KLF17: variants seen among roughly 807,000 people sequenced by gnomAD.
KLF17 encodes Krueppel-like factor 17.
KLF17 carries 31 observed loss-of-function variants against 34.2 expected under a neutral mutation model. That is an observed-to-expected ratio of 0.91 (90% CI 0.68 to 1.22). The LOEUF (loss-of-function observed/expected upper bound fraction) is 1.22, where lower values mean the gene tolerates loss of function less well. Ranked by LOEUF, KLF17 falls within the 50% of genes most tolerant of loss-of-function variation. The pLI, the probability that KLF17 is intolerant of heterozygous loss-of-function variation, is 0.00. For missense variants in KLF17, 478 were observed against 505.2 expected, an observed-to-expected ratio of 0.95 and a Z score of 0.52; for synonymous variants, 179 against 186.7, an observed-to-expected ratio of 0.96 and a Z score of 0.34.
At chr1:44,069,130 A>C in the KLF17 span, among the ~76,000 whole-genome samples, 1 of 152,170 alleles carries the variant, frequency 6.6e-6, no homozygotes, top group African/African-American at 2.4e-5. The surrounding 1 kb of genome is among the most constrained non-coding windows in gnomAD (Gnocchi z 4.7). Flanking sequence ...GAGACATTTC[A>C]GGACAGGGTC....
chr1:44,078,979 C>T, the KLF17 span, among the ~76,000 whole-genome samples: 1 of 152,154 alleles, frequency 6.6e-6, no homozygotes, highest in African/African-American at 2.4e-5. Context: ...GACACCGTGC[C>T]TGGCCCCTCC....
intron 1 of KLF17, among the ~76,000 whole-genome samples, chr1:44,119,191 A>G (rs2087917195): frequency 7.0e-6 from 1 of 143,374 alleles, no homozygotes; most frequent in African/African-American, 2.6e-5. Flanking sequence ...GGGGTTGCAA[A>G]GGGAGGGATG....
chr1:44,125,926 C>T (rs562954667), intron 1 of KLF17, among the ~76,000 whole-genome samples: 1 of 152,242 alleles, frequency 6.6e-6, no homozygotes, highest in South Asian at 2.1e-4. Flanking sequence ...ATAATGGCTG[C>T]CAACCTCTGT....
the KLF17 span, among the ~76,000 whole-genome samples, chr1:44,095,201 T>C: frequency 2.4e-5 from 3 of 126,772 alleles, no homozygotes; most frequent in Non-Finnish European, 3.3e-5. Context: ...ATGCCCGGCC[T>C]ATTTATATCT....
the KLF17 span, among the ~76,000 whole-genome samples, chr1:44,096,709 T>C: frequency 6.7e-6 from 1 of 149,626 alleles, no homozygotes; most frequent in Non-Finnish European, 1.5e-5. Context: ...CTACGGTTTT[T>C]AAAAAAAAAT....
In KLF17 at chr1:44,134,314, T is replaced by C. The variant is rs1026691215; in HGVS notation, c.*1077T>C. 1.3e-4 allele frequency: 20 copies of C among 152,228 alleles called. No homozygotes were observed. The highest frequency in any genetic ancestry group is 3.9e-4 in the African/African-American group (16 of 41,440). The allele number at this position is 152,228 out of a possible 1,614,324, so 9.4% of individuals were successfully genotyped here. ...TGGAGGCCGAGGCAGGCGGATCATT[T>C]GAGGTTAGAGATTCGAGACCAGCCG... On this transcript the variant is annotated 3_prime_UTR_variant, in exon 4 of 4. Coordinates refer to ENST00000372299, the MANE Select transcript of KLF17 (RefSeq NM_173484.4).
chr1:44,127,650 C>CTTTTCT (rs1263367313), intron 1 of KLF17, among the ~76,000 whole-genome samples: 1 of 54,784 alleles, frequency 1.8e-5, no homozygotes, highest in African/African-American at 7.9e-5. Context: ...TTCTTTCTTT[C>CTTTTCT]TTTCTTTCTT....
chr1:44,059,100 C>G, the KLF17 span, among the ~76,000 whole-genome samples: 1 of 152,102 alleles, frequency 6.6e-6, no homozygotes, highest in African/African-American at 2.4e-5. Flanking sequence ...CAGGTTAAAC[C>G]TGTTTCTTAT....
chr1:44,100,257 C>CAA, the KLF17 span, among the ~76,000 whole-genome samples: 19 of 89,102 alleles, frequency 2.1e-4, no homozygotes, highest in African/African-American at 6.7e-4. Flanking sequence ...GACTCCATCT[C>CAA]AAAAAAAAAA....
At chr1:44,067,478 A>G in the KLF17 span, among the ~76,000 whole-genome samples, 4 of 152,162 alleles carry the variant, frequency 2.6e-5, no homozygotes, top group South Asian at 8.3e-4. Context: ...CCAGTGATTT[A>G]TGAGAGGAGT....
the KLF17 span, among the ~76,000 whole-genome samples, chr1:44,070,165 A>G: frequency 6.6e-6 from 1 of 151,876 alleles, no homozygotes; most frequent in African/African-American, 2.4e-5. Context: ...ATCTCCCTCT[A>G]CCAAACCTCC....
At chr1:44,051,066 C>T in the KLF17 span, 5 of 146,572 alleles carry the variant, frequency 3.4e-5, no homozygotes, top group Non-Finnish European at 4.5e-5. Context: ...AGAGAGAAAA[C>T]GACAGCATGA....
chr1:44,088,102 CTTATT>C, the KLF17 span: 1 of 168,514 alleles, frequency 5.9e-6, no homozygotes, highest in African/African-American at 3.6e-5. Flanking sequence ...GCCAAGCACT[CTTATT>C]TTTATTTATT....
chr1:44,051,339 T>A, the KLF17 span: 1 of 152,320 alleles, frequency 6.6e-6, no homozygotes, highest in Non-Finnish European at 1.5e-5. Flanking sequence ...TGCTACTGCC[T>A]CATGTAGGAT....
the KLF17 span, among the ~76,000 whole-genome samples, chr1:44,109,469 G>C: frequency 6.6e-6 from 1 of 152,196 alleles, no homozygotes; most frequent in Non-Finnish European, 1.5e-5. Context: ...CCTTGGGCAA[G>C]TCAGACTGAT....
At chr1:44,112,120 A>G in the KLF17 span, among the ~76,000 whole-genome samples, 1 of 152,220 alleles carries the variant, frequency 6.6e-6, no homozygotes, top group Admixed American at 6.5e-5. Context: ...TGACCATACC[A>G]ACATGTATTT....
the KLF17 span, among the ~76,000 whole-genome samples, chr1:44,064,061 C>T: frequency 6.6e-6 from 1 of 152,126 alleles, no homozygotes; most frequent in African/African-American, 2.4e-5. Context: ...GAATACCTAG[C>T]ACAACTGCCT....
chr1:44,124,112 C>T (rs1243567541), intron 1 of KLF17, among the ~76,000 whole-genome samples: 1 of 152,026 alleles, frequency 6.6e-6, no homozygotes, highest in Non-Finnish European at 1.5e-5. Flanking sequence ...GTGTTTGGAT[C>T]TAAATATATA....
At chr1:44,085,562 G>T in the KLF17 span, among the ~76,000 whole-genome samples, 1 of 152,124 alleles carries the variant, frequency 6.6e-6, no homozygotes, top group Non-Finnish European at 1.5e-5. Context: ...GGAGACCAAG[G>T]TGGGAGGATC....
Sources: allele counts gnomAD v4.1 joint callset (sites outside exome capture counted in the v4.1 genomes callset), GRCh38; gene constraint gnomAD v4.1.1; non-coding constraint Gnocchi (gnomAD v3.1); transcripts MANE v1.5; gene names NCBI Gene and HGNC (gene_info 2026-07-23, HGNC 2026-07-21).